TNIP3: variants seen among roughly 807,000 people sequenced by gnomAD.
TNIP3 encodes TNFAIP3 interacting protein 3, also known as TNFAIP3-interacting protein 3.
TNIP3 carries 34 observed loss-of-function variants against 54.1 expected under a neutral mutation model. The observed-to-expected ratio is 0.63, with a 90% CI of 0.48 to 0.84. The LOEUF (loss-of-function observed/expected upper bound fraction) is 0.84, where lower values mean the gene tolerates loss of function less well. Among genes scored for constraint, TNIP3 ranks in the 40% least tolerant of loss-of-function variants. TNIP3 has a pLI of 0.00. For synonymous variants in TNIP3, 134 were observed against 136.8 expected (o/e 0.98, Z 0.14); for missense variants, 366 against 387.6 (o/e 0.94, Z 0.47).
At chr4:121,170,787 TG>T (rs1731023364) in intron 3 of TNIP3, among the ~76,000 whole-genome samples, 1 of 152,182 alleles carries the variant, frequency 6.6e-6, no homozygotes. Flanking sequence ...TTTTGTTTTA[TG>T]TAGCTAATTC....
chr4:121,215,880 T>TAAA (rs70948385), intron 2 of TNIP3, among the ~76,000 whole-genome samples: 23 of 133,842 alleles, frequency 1.7e-4, no homozygotes, highest in South Asian at 9.8e-4. Context: ...GGTGCCACAT[T>TAAA]AAAAAAAAAA....
At chr4:121,198,766 G>C (rs1266788814) in intron 2 of TNIP3, among the ~76,000 whole-genome samples, 1 of 152,102 alleles carries the variant, frequency 6.6e-6, no homozygotes, top group Non-Finnish European at 1.5e-5. Context: ...TTATGTGTCT[G>C]GAAAATATAA....
chr4:121,164,212 A>G lies in TNIP3; in HGVS notation c.-87T>C. The G allele has an allele frequency of 6.3e-7, 1 of 1,590,258 alleles. No individual in the cohort carries two copies. On this transcript the variant is annotated 5_prime_UTR_variant, in exon 1 of 11. Coordinates refer to ENST00000057513, the MANE Select transcript of TNIP3 (RefSeq NM_024873.6). ...GGTATATTTTAGGGTGAGAGCAAGT[A>G]TACAAAATTTAAAAAACACACATCA...
At chr4:121,219,409 C>T (rs1255965497), upstream of TNIP3, among the ~76,000 whole-genome samples, 2 of 152,088 alleles carry the variant, frequency 1.3e-5, no homozygotes, top group Admixed American at 6.6e-5. Flanking sequence ...TTCACTTAGC[C>T]GAAAGATGTC....
At chr4:121,208,096 C>G (rs1042789935) in intron 2 of TNIP3, among the ~76,000 whole-genome samples, 1 of 152,160 alleles carries the variant, frequency 6.6e-6, no homozygotes, top group East Asian at 1.9e-4. Context: ...TCCAATTAAA[C>G]TTCTTTTTCT....
intron 2 of TNIP3, among the ~76,000 whole-genome samples, chr4:121,186,182 A>G (rs1179793073): frequency 6.6e-6 from 1 of 152,110 alleles, no homozygotes; most frequent in Admixed American, 6.5e-5. Context: ...GAAAGAGGAG[A>G]AGTGGCAGCA....
chr4:121,171,720 T>A (rs1220617771), intron 3 of TNIP3, among the ~76,000 whole-genome samples: 1 of 152,068 alleles, frequency 6.6e-6, no homozygotes, highest in Non-Finnish European at 1.5e-5. Flanking sequence ...CCTACTCCCC[T>A]ACTTTTTGTT....
At chr4:121,216,497 G>C (rs966333039) in exon 2 of TNIP3, 3 of 1,535,614 alleles carry the variant, frequency 2.0e-6, no homozygotes, top group Non-Finnish European at 2.6e-6. Flanking sequence ...CATCCACATG[G>C]AATCTAAAAT....
chr4:121,141,940 A>T, intron 8 of TNIP3, 26 bp from the exon 9 acceptor site: 2 of 1,513,566 alleles, frequency 1.3e-6, no homozygotes, highest in African/African-American at 1.4e-5. Flanking sequence ...CTGTGGGGTC[A>T]CTACCAGTGG....
chr4:121,183,627 C>G (rs1724841830), intron 2 of TNIP3, among the ~76,000 whole-genome samples: 1 of 152,212 alleles, frequency 6.6e-6, no homozygotes, highest in Non-Finnish European at 1.5e-5. Context: ...TCACATTACT[C>G]CCTGAGCTCC....
upstream of TNIP3, among the ~76,000 whole-genome samples, chr4:121,221,086 A>G (rs1727007523): frequency 6.6e-6 from 1 of 152,252 alleles, no homozygotes; most frequent in African/African-American, 2.4e-5. Context: ...GGCCTTTTGC[A>G]GTTTCCAAAG....
At chr4:121,216,548 G>C in intron 1 of TNIP3, 9 of 1,531,246 alleles carry the variant, frequency 5.9e-6, no homozygotes, top group Non-Finnish European at 7.9e-6. Context: ...GTACGTCAAG[G>C]GAAGTTAACT....
At chr4:121,197,129 G>A (rs1163858440) in intron 2 of TNIP3, among the ~76,000 whole-genome samples, 2 of 152,038 alleles carry the variant, frequency 1.3e-5, no homozygotes, top group African/African-American at 4.8e-5. Context: ...TATAAAAGTT[G>A]TACTCATAAA....
intron 2 of TNIP3, among the ~76,000 whole-genome samples, chr4:121,213,484 T>C (rs552726499): frequency 3.5e-4 from 53 of 152,210 alleles, no homozygotes; most frequent in Admixed American, 6.5e-4. Context: ...CCCAGCACTT[T>C]GGAAGTCCGA....
Position 121,223,515 on chromosome 4 carries a change from A to C in TNIP3, c.3+3870T>G, listed in dbSNP as rs116769064. Among the ~76,000 whole-genome samples, 511 of 152,358 alleles carry C rather than the reference A, an allele frequency of 3.4e-3. 4 individuals carry two copies. Among genetic ancestry groups the C allele is most frequent in the African/African-American group, 0.012 (491 of 41,590 alleles). On this transcript the variant is annotated intron_variant, in intron 1 of 12. Coordinates refer to the TNIP3 transcript ENST00000509841. Reference sequence around the variant, plus strand: ...AATATTCATGTCCTATAAGAAAATCACTTTTGCTACTTGCTTTCCAGTGAG... The same window carrying C: ...AATATTCATGTCCTATAAGAAAATCCCTTTTGCTACTTGCTTTCCAGTGAG...
chr4:121,155,129 A>C (rs548233671), intron 4 of TNIP3, among the ~76,000 whole-genome samples: 1 of 151,988 alleles, frequency 6.6e-6, no homozygotes, highest in East Asian at 1.9e-4. Context: ...CGCCCGGCTA[A>C]TTTTTTATAT....
intron 2 of TNIP3, among the ~76,000 whole-genome samples, chr4:121,189,933 T>G (rs2148831828): frequency 6.6e-6 from 1 of 152,214 alleles, no homozygotes; most frequent in African/African-American, 2.4e-5. Flanking sequence ...GATCCAAACC[T>G]CTTGTGGCTG....
At chr4:121,185,243 A>G (rs1724949814) in intron 2 of TNIP3, among the ~76,000 whole-genome samples, 1 of 152,128 alleles carries the variant, frequency 6.6e-6, no homozygotes, top group Non-Finnish European at 1.5e-5. Context: ...TGCATCGTCA[A>G]ACTTTATGGA....
intron 2 of TNIP3, among the ~76,000 whole-genome samples, chr4:121,201,138 AG>A (rs1486270362): frequency 6.6e-6 from 1 of 152,164 alleles, no homozygotes; most frequent in African/African-American, 2.4e-5. Context: ...CTGGATGAGT[AG>A]GGGGCAGGAA....
Sources: allele counts gnomAD v4.1 joint callset (sites outside exome capture counted in the v4.1 genomes callset), GRCh38; gene constraint gnomAD v4.1.1; transcripts MANE v1.5; gene names NCBI Gene and HGNC (gene_info 2026-07-23, HGNC 2026-07-21).